The following ACYP2 variants were observed in gnomAD, a reference collection of about 807,000 sequenced individuals.
ACYP2 encodes the protein acylphosphatase 2.
Under a neutral mutation model 11.2 loss-of-function variants are expected in ACYP2, and 12 were observed. The ratio of observed to expected loss-of-function variants is 1.08; its 90% CI spans 0.69 to 1.74. The LOEUF is 1.74. ACYP2 is among the 40% of genes most tolerant of loss of function. The pLI, the probability that ACYP2 is intolerant of heterozygous loss-of-function variation, is 0.00. For synonymous variants in ACYP2, 43 were observed against 32.2 expected (o/e 1.33, Z -1.13); for missense variants, 134 against 101.9 (o/e 1.31, Z -1.35).
chr2:54,121,393 A>C (rs567371390), intron 4 of ACYP2, among the ~76,000 whole-genome samples: 1 of 152,194 alleles, frequency 6.6e-6, no homozygotes, highest in Non-Finnish European at 1.5e-5. Flanking sequence ...TCCACCTGGA[A>C]CTGGCAACTC....
chr2:54,188,496 G>T (rs1558598365), intron 6 of ACYP2, among the ~76,000 whole-genome samples: 2 of 152,122 alleles, frequency 1.3e-5, no homozygotes, highest in African/African-American at 2.4e-5. Context: ...TAAAATGATA[G>T]TAGTTATTAA....
chr2:54,026,104 G>A (rs1481092236), intron 2 of ACYP2, among the ~76,000 whole-genome samples: 3 of 152,150 alleles, frequency 2.0e-5, no homozygotes, highest in South Asian at 2.1e-4. Flanking sequence ...GTGGCAGAGC[G>A]AGACTCTGTC....
At chr2:54,163,856 CA>C (rs565110011) in intron 6 of ACYP2, among the ~76,000 whole-genome samples, 17 of 145,152 alleles carry the variant, frequency 1.2e-4, no homozygotes, top group African/African-American at 1.5e-4. Flanking sequence ...AACTCTGTCT[CA>C]AAAAAAAAAA....
intron 6 of ACYP2, among the ~76,000 whole-genome samples, chr2:54,262,400 A>G (rs1055346184): frequency 6.6e-6 from 1 of 152,288 alleles, no homozygotes; most frequent in Non-Finnish European, 1.5e-5. Context: ...TTTAAAATAG[A>G]TATTATAAAA....
At chr2:54,027,837 CTTT>C (rs34122179) in intron 2 of ACYP2, among the ~76,000 whole-genome samples, 194 of 97,872 alleles carry the variant, frequency 2.0e-3, no homozygotes, top group Non-Finnish European at 3.0e-3. Context: ...TTCTTTCTTT[CTTT>C]TTTTTTTTTT....
intron 2 of ACYP2, among the ~76,000 whole-genome samples, chr2:54,038,673 C>CTA (rs56817782): frequency 0.084 from 8,672 of 102,648 alleles, 446 homozygotes; most frequent in Non-Finnish European, 0.097. Context: ...TTATTGAATA[C>CTA]TATATATATA....
At chr2:54,234,803 T>C (rs569649721) in intron 6 of ACYP2, among the ~76,000 whole-genome samples, 22 of 152,340 alleles carry the variant, frequency 1.4e-4, no homozygotes, top group South Asian at 2.1e-4. Flanking sequence ...CTTTGGGGGA[T>C]TGACCCCACA....
chr2:53,976,637 A>AG (rs1235865211), intron 2 of ACYP2, among the ~76,000 whole-genome samples: 1 of 151,996 alleles, frequency 6.6e-6, no homozygotes, highest in Non-Finnish European at 1.5e-5. Context: ...TTTGGGAGGA[A>AG]AAAAAGAATA....
intron 4 of ACYP2, among the ~76,000 whole-genome samples, chr2:54,119,155 T>A (rs1679997399): frequency 6.8e-6 from 1 of 146,472 alleles, no homozygotes; most frequent in African/African-American, 2.5e-5. Context: ...GCTCATATGA[T>A]CTTCCTGCCT....
intron 2 of ACYP2, among the ~76,000 whole-genome samples, chr2:54,033,949 A>G (rs1384490831): frequency 6.6e-6 from 1 of 152,256 alleles, no homozygotes; most frequent in African/African-American, 2.4e-5. Flanking sequence ...CTGAAAGATA[A>G]TGGGGAAATA....
chr2:54,257,320 T>C lies in ACYP2; in HGVS notation c.405-47368T>C, dbSNP rs184980135. ...ATGAGTGGGGTCACAATTTCTTTTTTTCCATATGAATATCTAATTGACCCA... is the reference window on the plus strand; with the variant it reads ...ATGAGTGGGGTCACAATTTCTTTTTCTCCATATGAATATCTAATTGACCCA... On this transcript the variant is annotated intron_variant, in intron 6 of 6. Coordinates refer to ENST00000607452, the MANE Select transcript of ACYP2 (RefSeq NM_001320586.2). Among the ~76,000 whole-genome samples, 77 of 152,372 alleles carry C rather than the reference T, an allele frequency of 5.1e-4. No individual in the cohort carries two copies. In the East Asian group the frequency reaches 7.7e-3, roughly 15 times the overall value.
chr2:54,287,633 C>T (rs1277522402), intron 6 of ACYP2, among the ~76,000 whole-genome samples: 2 of 151,948 alleles, frequency 1.3e-5, no homozygotes, highest in Non-Finnish European at 2.9e-5. Flanking sequence ...TGTCTGGCTA[C>T]TTTGAAGCCG....
chr2:54,105,905 G>A (rs1679132217), intron 4 of ACYP2, among the ~76,000 whole-genome samples: 1 of 151,938 alleles, frequency 6.6e-6, no homozygotes, highest in Non-Finnish European at 1.5e-5. Context: ...AAGGCAGTGT[G>A]GCAGAGTGGA....
intron 6 of ACYP2, among the ~76,000 whole-genome samples, chr2:54,233,480 A>AT (rs1490669443): frequency 6.6e-6 from 1 of 151,838 alleles, no homozygotes; most frequent in Non-Finnish European, 1.5e-5. Flanking sequence ...TAATTTTTGC[A>AT]TTTTTTGTAG....
In ACYP2 at chr2:54,063,821, G is replaced by C. The variant is rs1006256374; in HGVS notation, c.277+6461G>C. On this transcript the variant is annotated intron_variant, in intron 4 of 6. Transcript: ENST00000607452. Reference sequence around the variant, plus strand: ...CTTTTTCCTGCCAGGACCCTGACACGAGCCTGGACCAGAGAGGGTGGGGCT... The same window carrying C: ...CTTTTTCCTGCCAGGACCCTGACACCAGCCTGGACCAGAGAGGGTGGGGCT... 2.6e-5 allele frequency among the ~76,000 whole-genome samples: 4 copies of C among 152,262 alleles called. No individual in the cohort carries two copies. The South Asian group carries it at 8.3e-4, about 32-fold the overall frequency.
At chr2:54,229,902 G>A (rs1686160736) in intron 6 of ACYP2, among the ~76,000 whole-genome samples, 1 of 152,102 alleles carries the variant, frequency 6.6e-6, no homozygotes, top group Non-Finnish European at 1.5e-5. Flanking sequence ...CCACTAAATA[G>A]CTTTGTTATT....
chr2:53,989,136 C>T (rs1005159132), intron 2 of ACYP2, among the ~76,000 whole-genome samples: 1 of 152,116 alleles, frequency 6.6e-6, no homozygotes, highest in Admixed American at 6.6e-5. Context: ...TTCTTCTCAT[C>T]GTTACTCTAA....
chr2:54,077,834 G>A (rs1435378031), intron 4 of ACYP2, among the ~76,000 whole-genome samples: 1 of 152,210 alleles, frequency 6.6e-6, no homozygotes, highest in Non-Finnish European at 1.5e-5. Context: ...TCCTGGCCTA[G>A]TGCTCATTCC....
At chr2:54,115,726 G>A (rs757607079) in intron 4 of ACYP2, 6 of 1,612,886 alleles carry the variant, frequency 3.7e-6, no homozygotes, top group East Asian at 4.5e-5. Context: ...ACTCAAATCC[G>A]TGGACTACGA....
Sources: allele counts gnomAD v4.1 joint callset (sites outside exome capture counted in the v4.1 genomes callset), GRCh38; gene constraint gnomAD v4.1.1; transcripts MANE v1.5; gene names NCBI Gene and HGNC (gene_info 2026-07-23, HGNC 2026-07-21).